SOAT1: variants seen among roughly 807,000 people sequenced by gnomAD.
SOAT1 encodes the protein acyl-coenzyme A:cholesterol acyltransferase 1.
A neutral mutation model predicts 69.5 loss-of-function variants in SOAT1; 55 were observed. The ratio of observed to expected loss-of-function variants is 0.79; its 90% CI spans 0.64 to 0.99. The LOEUF (loss-of-function observed/expected upper bound fraction) is 0.99. SOAT1 is among the 50% of genes least tolerant of loss of function. The probability of loss-of-function intolerance (pLI) is 0.00; values close to 1 mark genes in which losing one functional copy is unlikely to be tolerated. For synonymous variants in SOAT1, 231 were observed against 224.7 expected, an observed-to-expected ratio of 1.03 and a Z score of -0.25; for missense variants, 580 against 669.3, an observed-to-expected ratio of 0.87 and a Z score of 1.47.
In SOAT1 at chr1:179,353,812, C is replaced by A; in HGVS notation, c.*171C>A. The A allele has an allele frequency of 1.6e-6, 1 of 635,494 alleles. No homozygotes were observed. Among genetic ancestry groups the A allele is most frequent in the South Asian group, 1.9e-5 (1 of 52,156 alleles). The allele number at this position is 635,494 out of a possible 1,614,324, so 39.4% of individuals were successfully genotyped here. Reference sequence around the variant, plus strand: ...TTGAAGCCAAACTGTTGGAAGTTCACTGGAGTCTTGTACACTTAAGCAGAG... The same window carrying A: ...TTGAAGCCAAACTGTTGGAAGTTCAATGGAGTCTTGTACACTTAAGCAGAG... On this transcript the variant is annotated 3_prime_UTR_variant, in exon 16 of 16. Coordinates refer to ENST00000367619, the MANE Select transcript of SOAT1 (RefSeq NM_003101.6).
intron 11 of SOAT1, among the ~76,000 whole-genome samples, chr1:179,346,115 A>C (rs1466274386): frequency 6.6e-6 from 1 of 151,916 alleles, no homozygotes; most frequent in Non-Finnish European, 1.5e-5. Flanking sequence ...CTTCTCTTGC[A>C]TTCCTCTTCC....
chr1:179,339,501 C>G lies in SOAT1; in HGVS notation c.453C>G (p.Leu151=), dbSNP rs773748009. 4 of 1,613,052 alleles carry G rather than the reference C, an allele frequency of 2.5e-6. No homozygotes were observed. The highest frequency in any genetic ancestry group is 3.4e-6 in the Non-Finnish European group (4 of 1,179,530). Residue 151 remains leucine (L), a synonymous_variant, in exon 6 of 16, where the codon CTC becomes CTG. Coordinates refer to ENST00000367619, the MANE Select transcript of SOAT1 (RefSeq NM_003101.6). ...IYHMFIALLI[L]FILSTLVVDY... ...ACATGTTTATTGCCCTCCTCATTCT[C>G]TTTATCCTCAGCACACTTGTAGTAG...
At chr1:179,349,969 C>T (rs939530633) in intron 13 of SOAT1, among the ~76,000 whole-genome samples, 1 of 152,124 alleles carries the variant, frequency 6.6e-6, no homozygotes, top group African/African-American at 2.4e-5. Context: ...ACAGTTGCCC[C>T]ATCTACCATA....
chr1:179,297,416 A>C (rs1369360021), intron 1 of SOAT1, among the ~76,000 whole-genome samples: 1 of 152,008 alleles, frequency 6.6e-6, no homozygotes, highest in Non-Finnish European at 1.5e-5. Context: ...GGCTCACTGC[A>C]ACCTCCGCCT....
chr1:179,345,616 C>T (rs1666503356), intron 11 of SOAT1, among the ~76,000 whole-genome samples: 1 of 151,708 alleles, frequency 6.6e-6, no homozygotes, highest in Non-Finnish European at 1.5e-5. Context: ...AGTCTGAATG[C>T]AGTGGTGTCA....
In SOAT1 at chr1:179,358,061, A is replaced by G. The variant is rs1373135461; in HGVS notation, c.*4420A>G. ...TGCCTAGTTTGAAAATCAGTAGACA[A>G]TAATAAAGTTGATAAGCTTTAGGTT... On this transcript the variant is annotated 3_prime_UTR_variant, in exon 16 of 16. Transcript: ENST00000367619. 3 of 152,228 alleles carry G rather than the reference A, an allele frequency of 2.0e-5. No individual in the cohort carries two copies. Among genetic ancestry groups the G allele is most frequent in the Admixed American group, 6.5e-5 (1 of 15,286 alleles). The allele number at this position is 152,228 out of a possible 1,614,324, so 9.4% of individuals were successfully genotyped here.
intron 13 of SOAT1, among the ~76,000 whole-genome samples, 182 bp downstream of exon 13, chr1:179,349,124 G>A (rs1666635199): frequency 6.6e-6 from 1 of 152,106 alleles, no homozygotes; most frequent in African/African-American, 2.4e-5. Context: ...GTACTGCTTA[G>A]AAACCACTGT....
intron 15 of SOAT1, among the ~76,000 whole-genome samples, chr1:179,352,721 G>T (rs1258072379): frequency 6.6e-6 from 1 of 152,088 alleles, no homozygotes. Flanking sequence ...ATAGGCATCT[G>T]TAACTGAAGA....
chr1:179,304,923 C>A (rs747807477), intron 2 of SOAT1, among the ~76,000 whole-genome samples: 18 of 152,168 alleles, frequency 1.2e-4, no homozygotes, highest in Non-Finnish European at 2.2e-4. Context: ...GTTTTATAGG[C>A]ATGAGCCACC....
At chr1:179,320,630 T>A (rs955900562) in intron 2 of SOAT1, among the ~76,000 whole-genome samples, 4 of 152,240 alleles carry the variant, frequency 2.6e-5, no homozygotes, top group African/African-American at 7.2e-5. Flanking sequence ...GAATATGGGA[T>A]GTCTTTAGAC....
At chr1:179,335,477 C>T (rs558160683) in intron 3 of SOAT1, 29 bp from the exon 4 acceptor site, 1 of 1,592,148 alleles carries the variant, frequency 6.3e-7, no homozygotes, top group Admixed American at 1.7e-5. Context: ...TATTAGTTCC[C>T]CATCTTTTTC....
At chr1:179,353,542 T>C (rs759509393) in intron 15 of SOAT1, 43 bp from the exon 16 acceptor site, 1 of 1,552,154 alleles carries the variant, frequency 6.4e-7, no homozygotes. Context: ...TCCTCTACTC[T>C]GTACACAAAT....
At chr1:179,298,247 C>T (rs1045718308) in intron 1 of SOAT1, among the ~76,000 whole-genome samples, 3 of 151,742 alleles carry the variant, frequency 2.0e-5, no homozygotes, top group Non-Finnish European at 4.4e-5. Flanking sequence ...CCACACCTGG[C>T]TAATTTTTTG....
At chr1:179,308,205 T>C (rs1442973690) in intron 2 of SOAT1, among the ~76,000 whole-genome samples, 2 of 152,212 alleles carry the variant, frequency 1.3e-5, no homozygotes, top group Non-Finnish European at 2.9e-5. Context: ...CATGAAATCC[T>C]CTAATATTCC....
chr1:179,349,083 G>T, intron 13 of SOAT1, 141 bp downstream of exon 13: 4 of 610,228 alleles, frequency 6.6e-6, no homozygotes, highest in Non-Finnish European at 1.2e-5. Flanking sequence ...TTTCTTTTGA[G>T]AAATTTACAT....
chr1:179,350,553 C>G, intron 14 of SOAT1, 122 bp downstream of exon 14: 1 of 849,214 alleles, frequency 1.2e-6, no homozygotes, highest in Non-Finnish European at 1.8e-6. Flanking sequence ...TAAGGTAGTA[C>G]TTCTTTATCA....
At chr1:179,318,540 A>C (rs1665475713) in intron 2 of SOAT1, among the ~76,000 whole-genome samples, 1 of 152,338 alleles carries the variant, frequency 6.6e-6, no homozygotes, top group South Asian at 2.1e-4. Context: ...CAGAGAAATT[A>C]GAATGAAATG....
rs369205138 is a variant in SOAT1, at chr1:179,335,654, C to T, written c.326C>T (p.Ala109Val). Residue 109 changes from alanine to valine, a missense_variant, in exon 4 of 16, where the codon GCG becomes GTG. Physicochemically the swap from Ala to Val is moderately conservative, Grantham distance 64. Transcript: ENST00000367619. Reference protein sequence around the residue: ...VLEGEKNNHRAKDLRAPPEQG... With the variant: ...VLEGEKNNHRVKDLRAPPEQG... ...GAAGGAGAGAAAAACAACCATAGAG[C>T]GAAGTAAGTATGTGCTATTTTCTTT... is the stretch of plus-strand genomic sequence containing the variant. 27 of 1,610,926 alleles carry T rather than the reference C, an allele frequency of 1.7e-5. No individual in the cohort carries two copies. Among genetic ancestry groups the T allele is most frequent in the African/African-American group, 6.7e-5 (5 of 74,800 alleles).
intron 11 of SOAT1, 144 bp downstream of exon 11, chr1:179,345,220 T>C: frequency 1.4e-6 from 1 of 730,534 alleles, no homozygotes; most frequent in Non-Finnish European, 2.3e-6. Flanking sequence ...TTGCATCTAC[T>C]TTATAAATGA....
Sources: allele counts gnomAD v4.1 joint callset (sites outside exome capture counted in the v4.1 genomes callset), GRCh38; gene constraint gnomAD v4.1.1; transcripts MANE v1.5; gene names NCBI Gene and HGNC (gene_info 2026-07-23, HGNC 2026-07-21).